CELSR1: variants seen among roughly 807,000 people sequenced by gnomAD.
The protein encoded by CELSR1 is cadherin EGF LAG seven-pass G-type receptor 1.
CELSR1 carries 110 observed loss-of-function variants against 249.1 expected under a neutral mutation model. That is an observed-to-expected ratio of 0.44 (90% CI 0.38 to 0.52). The LOEUF (loss-of-function observed/expected upper bound fraction) is 0.52. Among genes scored for constraint, CELSR1 ranks in the 20% least tolerant of loss-of-function variants. The pLI is 0.00. For synonymous variants in CELSR1, 2,113 were observed against 1,900.0 expected (o/e 1.11, Z -2.92); for missense variants, 4,109 against 4,296.4 (o/e 0.96, Z 1.22).
intron 18 of CELSR1, among the ~76,000 whole-genome samples, chr22:46,388,649 G>A (rs997116804): frequency 5.3e-5 from 8 of 152,186 alleles, no homozygotes; most frequent in Non-Finnish European, 1.2e-4. Context: ...CTGTCTGGAC[G>A]AAGAGGCCTG....
chr22:46,463,819 G>T lies in CELSR1; in HGVS notation c.4071C>A (p.Gly1357=). The change falls in exon 2 of 35, where the codon GGC becomes GGA. Residue 1357 remains glycine, a synonymous_variant. Coordinates refer to ENST00000674500, the MANE Select transcript of CELSR1 (RefSeq NM_001378328.1). Reference sequence around the variant, plus strand: ...GGTCGATCTCCGTCTCGCAGTAGTCGCCGGTGAAGCCGGGCGGGCAGCGGC... The same window carrying T: ...GGTCGATCTCCGTCTCGCAGTAGTCTCCGGTGAAGCCGGGCGGGCAGCGGC... ...LRCRCPPGFT[G]DYCETEIDLC... is the part of the protein sequence containing the mutation. 1 of 1,610,844 alleles carries T rather than the reference G, an allele frequency of 6.2e-7. No individual in the cohort carries two copies. Among genetic ancestry groups the T allele is most frequent in the South Asian group, 1.1e-5 (1 of 90,604 alleles).
At chr22:46,466,824 C>T (rs2080101596) in intron 1 of CELSR1, among the ~76,000 whole-genome samples, 1 of 152,138 alleles carries the variant, frequency 6.6e-6, no homozygotes, top group Non-Finnish European at 1.5e-5. Context: ...GAGATGAGGC[C>T]TCTGGGAGGT....
rs560200077 is a variant in CELSR1 at position 46,484,111 on chromosome 22, C to T, written c.3545-19766G>A. On this transcript the variant is annotated intron_variant, in intron 1 of 34. Transcript: ENST00000674500. This position sits in a 1 kb window ranked among gnomAD's most constrained non-coding sequence, Gnocchi z 4.5. Reference sequence around the variant, plus strand: ...TCTCAGACTCACCTGTAGGGAGGAGCGCCCCAGGCCTTCCGCCCAGAAATC... The same window carrying T: ...TCTCAGACTCACCTGTAGGGAGGAGTGCCCCAGGCCTTCCGCCCAGAAATC... Among the ~76,000 whole-genome samples, 4 of 152,318 alleles carry T rather than the reference C, an allele frequency of 2.6e-5. No homozygotes were observed. Among genetic ancestry groups the T allele is most frequent in the South Asian group, 2.1e-4 (1 of 4,824 alleles).
chr22:46,437,112 G>A lies in CELSR1; in HGVS notation c.4407-823C>T, dbSNP rs976801359. On this transcript the variant is annotated intron_variant, in intron 3 of 34. Coordinates refer to ENST00000674500, the MANE Select transcript of CELSR1 (RefSeq NM_001378328.1). The surrounding 1 kb of genome is among the most constrained non-coding windows in gnomAD (Gnocchi z 4.9). ...ATGAAAGGAAGAGGCATGAACAGAC[G>A]CCTGAACATGAACAGGCCTGTCAGA... Among the ~76,000 whole-genome samples, 10 of 152,206 alleles carry A rather than the reference G, an allele frequency of 6.6e-5. No individual in the cohort carries two copies. Among genetic ancestry groups the A allele is most frequent in the African/African-American group, 1.2e-4 (5 of 41,450 alleles).
chr22:46,464,151 C>A lies in CELSR1; in HGVS notation c.3739G>T (p.Val1247Phe), dbSNP rs753494885. 6.2e-7 allele frequency: 1 copy of A among 1,613,742 alleles called. No homozygotes were observed. The highest frequency in any genetic ancestry group is 8.5e-7 in the Non-Finnish European group (1 of 1,180,030). ...TTKDDVFVFNVQNDTDVSSNI... is the reference protein window; with the variant it reads ...TTKDDVFVFNFQNDTDVSSNI... ...GAGCTGACGTCGGTGTCGTTCTGGA[C>A]GTTGAAGACGAAGACGTCGTCCTTG... The change falls in exon 2 of 35, where the codon GTC becomes TTC. Residue 1247 changes from valine (V) to phenylalanine (F), a missense_variant. This residue lies in a region of CELSR1 where 141 missense variants were observed against 209.4 expected (regional missense o/e 0.67). Coordinates refer to ENST00000674500, the MANE Select transcript of CELSR1 (RefSeq NM_001378328.1). This position sits in a 1 kb window ranked among gnomAD's most constrained non-coding sequence, Gnocchi z 8.5.
In CELSR1 at chr22:46,373,512, G is replaced by A. The variant is rs1056575988; in HGVS notation, c.7585-455C>T. Among the ~76,000 whole-genome samples, 10 of 150,572 alleles carry A rather than the reference G, an allele frequency of 6.6e-5. No individual in the cohort carries two copies. The East Asian group carries it at 7.8e-4, about 12-fold the overall frequency. On this transcript the variant is annotated intron_variant, in intron 24 of 34. Coordinates refer to ENST00000674500, the MANE Select transcript of CELSR1 (RefSeq NM_001378328.1). ...TGGGGGGGGCAGCTTCACGCCCAGCGCTCTGGGAGGGGCAGCTTCGTGCCC... is the reference window on the plus strand; with the variant it reads ...TGGGGGGGGCAGCTTCACGCCCAGCACTCTGGGAGGGGCAGCTTCGTGCCC...
intron 1 of CELSR1, among the ~76,000 whole-genome samples, chr22:46,499,355 A>C (rs2080444458): frequency 6.6e-6 from 1 of 152,168 alleles, no homozygotes; most frequent in Non-Finnish European, 1.5e-5. Flanking sequence ...TTCCTGGCAA[A>C]GGAATCAGAG....
chr22:46,474,725 A>T (rs2080189925), intron 1 of CELSR1, among the ~76,000 whole-genome samples: 1 of 79,154 alleles, frequency 1.3e-5, no homozygotes, highest in Non-Finnish European at 2.6e-5. Flanking sequence ...ATCTCTCCCC[A>T]ACCCCCTCTT....
intron 25 of CELSR1, 90 bp downstream of exon 25, chr22:46,372,793 C>A: frequency 6.8e-7 from 1 of 1,465,770 alleles, no homozygotes; most frequent in Non-Finnish European, 9.2e-7. Context: ...TGGGGCTGGG[C>A]AGGGAAGAGA....
chr22:46,513,740 T>C (rs954415988), intron 1 of CELSR1, among the ~76,000 whole-genome samples: 1 of 152,100 alleles, frequency 6.6e-6, no homozygotes, highest in Non-Finnish European at 1.5e-5. Context: ...TAAATACTGG[T>C]TGGAATATGG....
chr22:46,465,105 C>T (rs1367535236), intron 1 of CELSR1, among the ~76,000 whole-genome samples: 1 of 152,158 alleles, frequency 6.6e-6, no homozygotes, highest in Non-Finnish European at 1.5e-5. Flanking sequence ...ATCATCGGTT[C>T]CAGGCCCAGA....
chr22:46,440,295 AG>A lies in CELSR1; in HGVS notation c.4184-885del, dbSNP rs2079729484. Among the ~76,000 whole-genome samples the A allele has an allele frequency of 1.3e-5, 2 of 152,182 alleles. No individual in the cohort carries two copies. Among genetic ancestry groups the A allele is most frequent in the African/African-American group, 2.4e-5 (1 of 41,440 alleles). On this transcript the variant is annotated intron_variant, in intron 2 of 34. Coordinates refer to ENST00000674500, the MANE Select transcript of CELSR1 (RefSeq NM_001378328.1). The surrounding 1 kb of genome is among the most constrained non-coding windows in gnomAD (Gnocchi z 4.7). ...GCTGGTGACACTCCCGCCCCCGGAC[AG>A]GGATGGTGAGCCGCAATCTGCACAG...
At chr22:46,389,223 G>T in intron 18 of CELSR1, 67 bp downstream of exon 18, 1 of 1,536,132 alleles carries the variant, frequency 6.5e-7, no homozygotes, top group Non-Finnish European at 8.9e-7. Flanking sequence ...CAGCCCCACA[G>T]CACCCACCCA....
In CELSR1 at chr22:46,391,150, G is replaced by A; in HGVS notation, c.6250+36C>T. 2 of 1,545,696 alleles carry A rather than the reference G, an allele frequency of 1.3e-6. No homozygotes were observed. The highest frequency in any genetic ancestry group is 1.8e-6 in the Non-Finnish European group (2 of 1,126,526). ...ACTGGCTCCTCCCACAAGGACGCCT[G>A]CCTCAGTTCCCTACACACAGGCCAC... is the stretch of plus-strand genomic sequence containing the variant. On this transcript the variant is annotated intron_variant, in intron 16 of 34. Transcript: ENST00000674500. The surrounding 1 kb of genome is among the most constrained non-coding windows in gnomAD (Gnocchi z 4.3).
In CELSR1 at chr22:46,535,983, C is replaced by T. The variant is rs776007985; in HGVS notation, c.1188G>A (p.Ala396=). 3 of 1,610,656 alleles carry T rather than the reference C, an allele frequency of 1.9e-6. No homozygotes were observed. The highest frequency in any genetic ancestry group is 2.5e-6 in the Non-Finnish European group (3 of 1,179,902). Residue 396 remains alanine (A), a synonymous_variant, in exon 1 of 35, where the codon GCG becomes GCA. Transcript: ENST00000674500. ...ANLRYRVLGG[A]WDVFQLNESS... ...TCTCGTTGAGCTGGAAGACGTCCCA[C>T]GCGCCCCCCAACACGCGGTAACGCA...
chr22:46,443,102 G>GA (rs796295650), intron 2 of CELSR1, among the ~76,000 whole-genome samples: 2,726 of 127,884 alleles, frequency 0.021, 60 homozygotes, highest in African/African-American at 0.063. Flanking sequence ...CGTCTCTTAA[G>GA]AAAAAAAAAA....
At chr22:46,497,722 T>TG (rs1184201699) in intron 1 of CELSR1, among the ~76,000 whole-genome samples, 1 of 152,122 alleles carries the variant, frequency 6.6e-6, no homozygotes, top group East Asian at 1.9e-4. Flanking sequence ...CTTCTGGGGG[T>TG]GGGGGACACT....
At chr22:46,431,506 A>G (rs2079595332) in intron 5 of CELSR1, among the ~76,000 whole-genome samples, 1 of 152,028 alleles carries the variant, frequency 6.6e-6, no homozygotes, top group Non-Finnish European at 1.5e-5. Context: ...TGCGCCACCT[A>G]TGCCCTATGC....
chr22:46,437,582 C>G lies in CELSR1; in HGVS notation c.4407-1293G>C, dbSNP rs1405419705. Reference sequence around the variant, plus strand: ...CCTGGCCAACATGGTGAAACCCCGTCTCTACTAAAAATACGAAAATTAGCC... The same window carrying G: ...CCTGGCCAACATGGTGAAACCCCGTGTCTACTAAAAATACGAAAATTAGCC... On this transcript the variant is annotated intron_variant, in intron 3 of 34. Coordinates refer to ENST00000674500, the MANE Select transcript of CELSR1 (RefSeq NM_001378328.1). The surrounding 1 kb of genome is among the most constrained non-coding windows in gnomAD (Gnocchi z 4.9). Among the ~76,000 whole-genome samples the G allele has an allele frequency of 6.6e-6, 1 of 152,130 alleles. No individual in the cohort carries two copies. Among genetic ancestry groups the G allele is most frequent in the Non-Finnish European group, 1.5e-5 (1 of 68,032 alleles).
Sources: gnomAD v4.1 joint callset for allele counts (sites outside exome capture counted in the v4.1 genomes callset) on GRCh38, gnomAD v4.1.1 for gene constraint, gnomAD v4.1.1 regional missense constraint, Gnocchi (gnomAD v3.1) non-coding constraint, MANE v1.5 for transcripts, NCBI Gene and HGNC (gene_info 2026-07-23, HGNC 2026-07-21) for gene names.